TNKS: variants seen among roughly 807,000 people sequenced by gnomAD.
TNKS encodes the protein tankyrase.
In TNKS, 72 loss-of-function variants were observed where a neutral mutation model predicts 135.8. The ratio of observed to expected loss-of-function variants is 0.53; its 90% confidence interval spans 0.44 to 0.64. The LOEUF is 0.64. TNKS is among the 30% of genes least tolerant of loss of function. The pLI is 0.00. For missense variants in TNKS, 1,769 were observed against 1,674.0 expected (o/e 1.06, Z -0.99); for synonymous variants, 849 against 649.3 (o/e 1.31, Z -4.68).
chr8:9,628,728 C>T (rs1311195098), intron 3 of TNKS, among the ~76,000 whole-genome samples: 2 of 152,118 alleles, frequency 1.3e-5, no homozygotes, highest in African/African-American at 4.8e-5. Context: ...CAGTTTATAG[C>T]TCTAGTGTTG....
rs1166899807 is a variant in TNKS at position 9,771,599 on chromosome 8, AAAG to A, written c.3897+1341_3897+1343del. Among the ~76,000 whole-genome samples the A allele has an allele frequency of 1.4e-4, 18 of 126,816 alleles. No individual in the cohort carries two copies. In the East Asian group the frequency reaches 1.7e-3, roughly 12 times the overall value. 83.2% of individuals were successfully genotyped at this position (126,816 alleles called of 152,430 possible). A position where few individuals can be genotyped will look rare whatever the true frequency, so the allele number is the denominator to read the frequency against. ...AGGAAGAGAGAAAGGGAGAGGAAAG[AAAG>A]AAGGGAGGAAGAGAGGAAGGAAAGA... is the stretch of plus-strand genomic sequence containing the variant. On this transcript the variant is annotated intron_variant, in intron 26 of 26. Coordinates refer to ENST00000310430, the MANE Select transcript of TNKS (RefSeq NM_003747.3).
In TNKS at chr8:9,652,810, C is replaced by T. The variant is rs140221095; in HGVS notation, c.995-27141C>T. On this transcript the variant is annotated intron_variant, in intron 3 of 26. Transcript: ENST00000310430. ...ACATTGAGTGTTTTATTTCCATTATCCCTGACCCTCAGAGCGACCACAGAA... is the reference window on the plus strand; with the variant it reads ...ACATTGAGTGTTTTATTTCCATTATTCCTGACCCTCAGAGCGACCACAGAA... Among the ~76,000 whole-genome samples, 860 of 152,124 alleles carry T rather than the reference C, an allele frequency of 5.7e-3. 10 individuals carry two copies. Among genetic ancestry groups the T allele is most frequent in the South Asian group, 0.024 (116 of 4,824 alleles).
At position 9,706,232 on chromosome 8, in the gene TNKS, A is replaced by C; in HGVS notation, c.1248A>C (p.Glu416Asp). 2 of 1,576,430 alleles carry C rather than the reference A, an allele frequency of 1.3e-6. No individual in the cohort carries two copies. Among genetic ancestry groups the C allele is most frequent in the Non-Finnish European group, 1.7e-6 (2 of 1,165,026 alleles). Residue 416 changes from glutamate to aspartate, a missense_variant, in exon 7 of 27, where the codon GAA becomes GAC. By Grantham distance (45) the Glu-to-Asp change is conservative (BLOSUM62 2). Around this residue, in one of 5 missense-constraint regions of TNKS, gnomAD observed 523 missense variants for 541.0 expected, o/e 0.97. Transcript: ENST00000310430. ...LHNACSYGHYEVTELLLKHGA... is the reference protein window; with the variant it reads ...LHNACSYGHYDVTELLLKHGA... ...ATGCATGTTCATATGGACATTATGA[A>C]GTCACAGAACTGCTACTAAAGGTAA... is the stretch of plus-strand genomic sequence containing the variant.
chr8:9,599,438 C>T (rs1228815785), intron 2 of TNKS, among the ~76,000 whole-genome samples: 1 of 152,132 alleles, frequency 6.6e-6, no homozygotes, highest in Non-Finnish European at 1.5e-5. Flanking sequence ...TTAAGATTGG[C>T]AGTGGTGAAG....
chr8:9,685,302 A>C (rs1802943209), intron 5 of TNKS, among the ~76,000 whole-genome samples: 1 of 152,144 alleles, frequency 6.6e-6, no homozygotes, highest in South Asian at 2.1e-4. Flanking sequence ...TCTGCTTTCC[A>C]AGTGTGTGTC....
chr8:9,623,046 T>C lies in TNKS; in HGVS notation c.994+7369T>C, dbSNP rs1482082394. Reference sequence around the variant, plus strand: ...ATGATGAACTGTAATGAGAGTTATGTCAATGTGGTCTCTCTCTGTGTCTCA... The same window carrying C: ...ATGATGAACTGTAATGAGAGTTATGCCAATGTGGTCTCTCTCTGTGTCTCA... On this transcript the variant is annotated intron_variant, in intron 3 of 26. Transcript: ENST00000310430. Among the ~76,000 whole-genome samples, 5 of 152,214 alleles carry C rather than the reference T, an allele frequency of 3.3e-5. No individual in the cohort carries two copies. In the East Asian group the frequency reaches 9.6e-4, roughly 29 times the overall value.
chr8:9,645,284 T>C (rs1800879813), intron 3 of TNKS, among the ~76,000 whole-genome samples: 1 of 152,190 alleles, frequency 6.6e-6, no homozygotes, highest in Non-Finnish European at 1.5e-5. Context: ...TCCAGGATTG[T>C]GGCTACCTAT....
At chr8:9,654,931 G>A (rs564871617) in intron 3 of TNKS, among the ~76,000 whole-genome samples, 6 of 152,230 alleles carry the variant, frequency 3.9e-5, no homozygotes, top group Non-Finnish European at 5.9e-5. Context: ...CCATGCGTGA[G>A]CCGAAGCAGG....
intron 2 of TNKS, among the ~76,000 whole-genome samples, chr8:9,592,140 A>G (rs981899916): frequency 2.6e-5 from 4 of 152,220 alleles, no homozygotes; most frequent in Non-Finnish European, 5.9e-5. Context: ...TTGTTTGCCT[A>G]CTATTGGCAA....
At chr8:9,565,383 G>A (rs1398135534) in intron 1 of TNKS, among the ~76,000 whole-genome samples, 1 of 152,058 alleles carries the variant, frequency 6.6e-6, no homozygotes, top group Non-Finnish European at 1.5e-5. Flanking sequence ...GCTGGTAGGT[G>A]GCAGATGTTT....
chr8:9,672,034 A>G (rs566129905), intron 3 of TNKS, among the ~76,000 whole-genome samples: 3 of 152,324 alleles, frequency 2.0e-5, no homozygotes, highest in East Asian at 1.9e-4. Context: ...CTTCGTAGCC[A>G]TCTCAGTGAT....
chr8:9,708,312 C>T, intron 8 of TNKS, 59 bp from the exon 9 acceptor site: 6 of 1,353,548 alleles, frequency 4.4e-6, no homozygotes, highest in Admixed American at 4.8e-5. Flanking sequence ...TATAATCATG[C>T]TGAAGATTTT....
In TNKS at chr8:9,601,035, A is replaced by G. The variant is rs373713856; in HGVS notation, c.899-14547A>G. Reference sequence around the variant, plus strand: ...CTGTAAGCAAGAGCTTTTAAAAAGCATTGTTTTGCACACATATTAAACAGC... The same window carrying G: ...CTGTAAGCAAGAGCTTTTAAAAAGCGTTGTTTTGCACACATATTAAACAGC... On this transcript the variant is annotated intron_variant, in intron 2 of 26. Transcript: ENST00000310430. Among the ~76,000 whole-genome samples, 4 of 152,324 alleles carry G rather than the reference A, an allele frequency of 2.6e-5. No individual in the cohort carries two copies. In the East Asian group the frequency reaches 5.8e-4, roughly 22 times the overall value.
At chr8:9,713,283 G>T (rs1190719870) in intron 11 of TNKS, among the ~76,000 whole-genome samples, 1 of 152,114 alleles carries the variant, frequency 6.6e-6, no homozygotes, top group Non-Finnish European at 1.5e-5. Context: ...TAGGAGCTTT[G>T]TACATTTATC....
At chr8:9,672,668 A>C (rs1453396398) in intron 3 of TNKS, among the ~76,000 whole-genome samples, 6 of 140,402 alleles carry the variant, frequency 4.3e-5, no homozygotes, top group Non-Finnish European at 9.3e-5. Context: ...AAAAAAAAAA[A>C]AAAAAAAACA....
intron 1 of TNKS, among the ~76,000 whole-genome samples, chr8:9,572,135 G>C (rs753372040): frequency 8.5e-5 from 13 of 152,140 alleles, no homozygotes; most frequent in Non-Finnish European, 1.9e-4. Flanking sequence ...TTCATTTTTT[G>C]TCATGAGTGT....
chr8:9,709,923 AT>A, intron 9 of TNKS, 31 bp from the exon 10 acceptor site: 1 of 1,559,584 alleles, frequency 6.4e-7, no homozygotes, highest in Non-Finnish European at 8.8e-7. Context: ...ATGGAAGTGT[AT>A]TTTATTAACT....
At chr8:9,568,874 C>G (rs1466110980) in intron 1 of TNKS, among the ~76,000 whole-genome samples, 2 of 152,114 alleles carry the variant, frequency 1.3e-5, no homozygotes, top group African/African-American at 2.4e-5. Flanking sequence ...AATCTGAAGC[C>G]AAATCAGTGA....
intron 3 of TNKS, among the ~76,000 whole-genome samples, chr8:9,676,127 C>T (rs575984457): frequency 6.6e-6 from 1 of 151,794 alleles, no homozygotes. Flanking sequence ...ATTCTCCTGC[C>T]TCAGCCTCCT....
Sources: gnomAD v4.1 joint callset for allele counts (sites outside exome capture counted in the v4.1 genomes callset) on GRCh38, gnomAD v4.1.1 for gene constraint, gnomAD v4.1.1 regional missense constraint, MANE v1.5 for transcripts, NCBI Gene and HGNC (gene_info 2026-07-23, HGNC 2026-07-21) for gene names.